INHBA: variants seen among roughly 807,000 people sequenced by gnomAD.
INHBA encodes the protein inhibin subunit beta A, also known as inhibin beta A chain.
A neutral mutation model predicts 29.0 loss-of-function variants in INHBA; 1 was observed. The ratio of observed to expected loss-of-function variants is 0.03; its 90% CI spans 0.01 to 0.16. The LOEUF is 0.16. Ranked by LOEUF, INHBA falls within the 10% of genes least tolerant of loss-of-function variation. INHBA has a pLI of 1.00. For missense variants in INHBA, 376 were observed against 545.4 expected (o/e 0.69, Z 3.09); for synonymous variants, 242 against 216.8 (o/e 1.12, Z -1.02).
upstream of INHBA, among the ~76,000 whole-genome samples, chr7:41,705,035 C>T (rs576359809): frequency 8.6e-4 from 131 of 152,082 alleles, no homozygotes; most frequent in African/African-American, 3.0e-3. Flanking sequence ...CCTCCTCCCT[C>T]GGTGCAAATC....
chr7:41,702,182 A>G (rs1374900431), intron 1 of INHBA, among the ~76,000 whole-genome samples: 2 of 152,208 alleles, frequency 1.3e-5, no homozygotes, highest in African/African-American at 4.8e-5. Context: ...GTTTAGGTGG[A>G]AAGAGTTAAT....
chr7:41,691,692 G>A (rs1411555081), intron 2 of INHBA: 2 of 152,256 alleles, frequency 1.3e-5, no homozygotes, highest in South Asian at 2.1e-4. Flanking sequence ...AGTTCCTCTA[G>A]GAGGCTTACC....
intron 2 of INHBA, among the ~76,000 whole-genome samples, chr7:41,694,296 T>C (rs1375705358): frequency 6.6e-6 from 1 of 152,126 alleles, no homozygotes; most frequent in Non-Finnish European, 1.5e-5. Context: ...AACAGGTCAA[T>C]TTATTATATT....
In INHBA at chr7:41,699,782, C is replaced by G. The variant is rs192838837; in HGVS notation, c.388+205G>C. On this transcript the variant is annotated intron_variant, in intron 2 of 2. Transcript: ENST00000242208. ...CAGTCATCTCCAGGCAGAGCTCGAC[C>G]GAGAATTCCTTTTCTGTAAAGTCCT... 3.0e-3 allele frequency among the ~76,000 whole-genome samples: 451 copies of G among 152,186 alleles called. 3 individuals are homozygous for G. The highest frequency in any genetic ancestry group is 7.3e-3 in the South Asian group (35 of 4,808).
chr7:41,688,284 T>C lies in INHBA; in HGVS notation c.*1366A>G, dbSNP rs543802387. On this transcript the variant is annotated 3_prime_UTR_variant, in exon 3 of 3. Coordinates refer to ENST00000242208, the MANE Select transcript of INHBA (RefSeq NM_002192.4). ...CATACAAGCATGTAGTTCCATGAAT[T>C]TGATTGAACTTGATATCCAACAGTG... 1.2e-4 allele frequency: 18 copies of C among 152,308 alleles called. No individual in the cohort carries two copies. The highest frequency in any genetic ancestry group is 4.3e-4 in the African/African-American group (18 of 41,572). The allele number at this position is 152,308 out of a possible 1,614,324, so 9.4% of individuals were successfully genotyped here.
intron 2 of INHBA, among the ~76,000 whole-genome samples, chr7:41,693,335 C>G (rs767634266): frequency 6.6e-6 from 1 of 152,208 alleles, no homozygotes; most frequent in African/African-American, 2.4e-5. Context: ...AGCCGATGGA[C>G]AGCAGTGCTG....
intron 2 of INHBA, among the ~76,000 whole-genome samples, 176 bp downstream of exon 2, chr7:41,699,811 C>T (rs1195888610): frequency 1.3e-5 from 2 of 152,102 alleles, no homozygotes; most frequent in Non-Finnish European, 2.9e-5. Flanking sequence ...AAGTCCTCTC[C>T]CCCTCCCCTG....
intron 1 of INHBA, among the ~76,000 whole-genome samples, chr7:41,701,556 G>T (rs1464211715): frequency 3.9e-5 from 6 of 152,142 alleles, no homozygotes; most frequent in African/African-American, 1.4e-4. Context: ...CCTGTCACAA[G>T]CCCAAGTTCC....
At position 41,685,544 on chromosome 7, in the gene INHBA, T is replaced by C. The variant is rs192879912; in HGVS notation, c.*4106A>G. On this transcript the variant is annotated 3_prime_UTR_variant, in exon 3 of 3. Coordinates refer to ENST00000242208, the MANE Select transcript of INHBA (RefSeq NM_002192.4). Reference sequence around the variant, plus strand: ...ACATCAACCACAGAACATAAAAAGTTTTAAAATAAAACAGGCTTCAGATTA... The same window carrying C: ...ACATCAACCACAGAACATAAAAAGTCTTAAAATAAAACAGGCTTCAGATTA... 5.3e-5 allele frequency: 8 copies of C among 151,994 alleles called. No homozygotes were observed. The highest frequency in any genetic ancestry group is 1.9e-4 in the African/African-American group (8 of 41,388). 9.4% of individuals were successfully genotyped at this position (151,994 alleles called of 1,614,324 possible). A position where few individuals can be genotyped will look rare whatever the true frequency, so the allele number is the denominator to read the frequency against.
intron 2 of INHBA, among the ~76,000 whole-genome samples, chr7:41,695,585 GC>G (rs1178344335): frequency 1.3e-5 from 2 of 152,152 alleles, no homozygotes; most frequent in Non-Finnish European, 2.9e-5. Flanking sequence ...TAATTTTTTA[GC>G]TTTAATTTCC....
In INHBA at chr7:41,687,931, C is replaced by T. The variant is rs1176110867; in HGVS notation, c.*1719G>A. 5.9e-5 allele frequency: 9 copies of T among 152,162 alleles called. No individual in the cohort carries two copies. The highest frequency in any genetic ancestry group is 1.9e-4 in the African/African-American group (8 of 41,436). The allele number at this position is 152,162 out of a possible 1,614,324, so 9.4% of individuals were successfully genotyped here. On this transcript the variant is annotated 3_prime_UTR_variant, in exon 3 of 3. Transcript: ENST00000242208. The stretch of plus-strand genomic sequence containing the variant: ...TTTGATTATCATCCTGTTTTCCCCA[C>T]AGGGGATAACTTGTAGAAGTGGGAG...
chr7:41,690,545 G>A lies in INHBA; in HGVS notation c.389-3C>T, dbSNP rs1794479518. The A allele has an allele frequency of 6.3e-7, 1 of 1,585,548 alleles. No homozygotes were observed. The highest frequency in any genetic ancestry group is 8.6e-7 in the Non-Finnish European group (1 of 1,169,004). On this transcript the variant is annotated splice_region_variant and splice_polypyrimidine_tract_variant and intron_variant, in intron 2 of 2. Coordinates refer to ENST00000242208, the MANE Select transcript of INHBA (RefSeq NM_002192.4). The stretch of plus-strand genomic sequence containing the variant: ...GTGCAGCGTCTTCCTGGCTGTTCCT[G>A]AAGATGAAAGACAGCATAAGAGAAA...
At chr7:41,703,384 C>G (rs1483308899), upstream of INHBA, among the ~76,000 whole-genome samples, 1 of 152,160 alleles carries the variant, frequency 6.6e-6, no homozygotes, top group African/African-American at 2.4e-5. Flanking sequence ...CAACTTTCAA[C>G]TTTTACTACT....
intron 2 of INHBA, chr7:41,691,431 C>T (rs1329228074): frequency 6.6e-6 from 1 of 152,300 alleles, no homozygotes; most frequent in Non-Finnish European, 1.5e-5. Flanking sequence ...TTACTGAATT[C>T]CTATTGCTCA....
intron 2 of INHBA, among the ~76,000 whole-genome samples, chr7:41,694,796 C>G (rs866383049): frequency 5.9e-5 from 9 of 151,690 alleles, no homozygotes; most frequent in Admixed American, 3.3e-4. Flanking sequence ...TGGACACATA[C>G]CAAAGAGAGA....
chr7:41,686,548 T>C lies in INHBA; in HGVS notation c.*3102A>G, dbSNP rs531930257. 1 of 152,310 alleles carries C rather than the reference T, an allele frequency of 6.6e-6. No homozygotes were observed. Among genetic ancestry groups the C allele is most frequent in the South Asian group, 2.1e-4 (1 of 4,828 alleles). 9.4% of individuals were successfully genotyped at this position (152,310 alleles called of 1,614,324 possible). The stretch of plus-strand genomic sequence containing the variant: ...GATTAAAGATGGTAAAATACTATCT[T>C]TCAATGTTATCAAAAAATGGTAGCA... On this transcript the variant is annotated 3_prime_UTR_variant, in exon 3 of 3. Transcript: ENST00000242208.
chr7:41,692,594 T>C (rs563588070), intron 2 of INHBA: 1 of 152,522 alleles, frequency 6.6e-6, no homozygotes, highest in South Asian at 2.1e-4. Flanking sequence ...ACGAGGATGC[T>C]GGCCATGATG....
At position 41,685,116 on chromosome 7, in the gene INHBA, C is replaced by T. The variant is rs1296744662; in HGVS notation, c.*4534G>A. On this transcript the variant is annotated 3_prime_UTR_variant, in exon 3 of 3. Transcript: ENST00000242208. ...AAAATAAAAATAAAAATAAAAAATA[C>T]ATCCCAAACAGGTCTTTTTATTTAA... is the stretch of plus-strand genomic sequence containing the variant. The T allele has an allele frequency of 1.3e-5, 2 of 151,988 alleles. No homozygotes were observed. Among genetic ancestry groups the T allele is most frequent in the African/African-American group, 2.4e-5 (1 of 41,420 alleles). The allele number at this position is 151,988 out of a possible 1,614,324, so 9.4% of individuals were successfully genotyped here.
At position 41,690,319 on chromosome 7, in the gene INHBA, C is replaced by A. The variant is rs766601602; in HGVS notation, c.612G>T (p.Leu204=). The A allele has an allele frequency of 2.5e-6, 4 of 1,614,102 alleles. No individual in the cohort carries two copies. Among genetic ancestry groups the A allele is most frequent in the East Asian group, 2.2e-5 (1 of 44,848 alleles). Residue 204 remains leucine, a synonymous_variant, in exon 3 of 3, where the codon CTG becomes CTT. Transcript: ENST00000242208. ...CGTCTACTACTTTTTCAGAGAGCAA[C>A]AGTTCACTCCTCTCCCCCTTTAAGC... ...EVGLKGERSE[L]LLSEKVVDAR...
Sources: allele counts gnomAD v4.1 joint callset (sites outside exome capture counted in the v4.1 genomes callset), GRCh38; gene constraint gnomAD v4.1.1; transcripts MANE v1.5; gene names NCBI Gene and HGNC (gene_info 2026-07-23, HGNC 2026-07-21).